CEP63: variants seen among roughly 807,000 people sequenced by gnomAD.
The protein encoded by CEP63 is centrosomal protein 63.
CEP63 carries 84 observed loss-of-function variants against 89.1 expected under a neutral mutation model. That is an observed-to-expected ratio of 0.94 (90% CI 0.79 to 1.13). CEP63 has a LOEUF of 1.13. Among genes scored for constraint, CEP63 ranks in the 50% most tolerant of loss-of-function variants. CEP63 has a pLI of 0.00. For missense variants in CEP63, 838 were observed against 813.3 expected (o/e 1.03, Z -0.37); for synonymous variants, 267 against 272.5 (o/e 0.98, Z 0.20).
the CEP63 span, chr3:134,604,432 G>A: frequency 1.6e-4 from 257 of 1,613,476 alleles, 3 homozygotes; most frequent in South Asian, 1.2e-3. Context: ...CATGAACAGC[G>A]TCGGGGCGCA....
the CEP63 span, chr3:134,608,721 T>C: frequency 2.5e-6 from 4 of 1,614,060 alleles, no homozygotes; most frequent in South Asian, 1.1e-5. Flanking sequence ...TTGTGATACA[T>C]GTTGTTCTCA....
the CEP63 span, chr3:134,604,036 C>T: frequency 8.7e-5 from 140 of 1,613,866 alleles, no homozygotes; most frequent in African/African-American, 1.5e-3. Context: ...GAAGATGTAG[C>T]GCCGCTGTGT....
In CEP63 at chr3:134,542,509, G is replaced by A. The variant is rs1577227700; in HGVS notation, c.556-3077G>A. On this transcript the variant is annotated intron_variant, in intron 6 of 14. Transcript: ENST00000675561. ...TGTGGCCTGCACTGGCGCATTTGGA[G>A]TTGACAGTGATGGGGAGCTTGGTAA... 4.6e-5 allele frequency among the ~76,000 whole-genome samples: 7 copies of A among 152,306 alleles called. No individual in the cohort carries two copies. In the South Asian group the frequency reaches 1.4e-3, roughly 32 times the overall value.
chr3:134,638,603 C>G, the CEP63 span, among the ~76,000 whole-genome samples: 1 of 152,236 alleles, frequency 6.6e-6, no homozygotes, highest in African/African-American at 2.4e-5. Flanking sequence ...ATCTTGAGAA[C>G]GGGCTCCCTG....
chr3:134,700,285 C>G, the CEP63 span, among the ~76,000 whole-genome samples: 2 of 152,246 alleles, frequency 1.3e-5, no homozygotes, highest in Non-Finnish European at 2.9e-5. Context: ...CGCTCAACAG[C>G]TCTCCCCTGA....
rs770541026 is a variant in CEP63 at position 134,547,371 on chromosome 3, CT to C, written c.967del (p.Ser323LeufsTer7). The C allele has an allele frequency of 1.8e-5, 29 of 1,613,682 alleles. No homozygotes were observed. The South Asian group carries it at 2.6e-4, about 15-fold the overall frequency. On this transcript the variant is annotated frameshift_variant, in exon 9 of 15. Transcript: ENST00000675561. LOFTEE classifies it high-confidence loss of function. ...EESLAEKKYT[S>X]QGQGDLDSVL... is the part of the protein sequence containing the mutation. ...AATCTCTGGCAGAAAAGAAGTACACCTCTCAAGGGCAGGGGGACTTAGACAG... is the reference window on the plus strand; with the variant it reads ...AATCTCTGGCAGAAAAGAAGTACACCCTCAAGGGCAGGGGGACTTAGACAG...
chr3:134,627,895 G>A, the CEP63 span: 2 of 1,173,544 alleles, frequency 1.7e-6, no homozygotes, highest in Non-Finnish European at 2.5e-6. Context: ...TCACCTTCTG[G>A]TGGTCCTTGC....
the CEP63 span, among the ~76,000 whole-genome samples, chr3:134,716,595 A>G: frequency 6.6e-6 from 1 of 152,092 alleles, no homozygotes; most frequent in Admixed American, 6.5e-5. Context: ...GAGCATGAAT[A>G]TGTAGACCTG....
intron 2 of CEP63, among the ~76,000 whole-genome samples, chr3:134,503,705 A>G (rs1559883369): frequency 6.6e-6 from 1 of 152,116 alleles, no homozygotes; most frequent in South Asian, 2.1e-4. Flanking sequence ...ATGTATGTAT[A>G]TTTACAGCTG....
At chr3:134,717,177 C>T in the CEP63 span, among the ~76,000 whole-genome samples, 1 of 152,184 alleles carries the variant, frequency 6.6e-6, no homozygotes, top group African/African-American at 2.4e-5. Flanking sequence ...GATTCGAACA[C>T]GTGAACAATG....
the CEP63 span, among the ~76,000 whole-genome samples, chr3:134,709,429 G>A: frequency 7.1e-6 from 1 of 141,292 alleles, no homozygotes; most frequent in Non-Finnish European, 1.5e-5. Context: ...TATATGATCA[G>A]TCATAGGACA....
At chr3:134,535,892 T>C (rs1950678936) in intron 5 of CEP63, 1 of 152,160 alleles carries the variant, frequency 6.6e-6, no homozygotes, top group South Asian at 2.1e-4. Context: ...TCCAGCAGCT[T>C]CTCTTAAAAA....
At chr3:134,588,071 T>C (rs9856693), downstream of CEP63, among the ~76,000 whole-genome samples, 97,933 of 151,928 alleles carry the variant, frequency 0.64, 32,131 homozygotes, top group East Asian at 0.81. Context: ...ATGTGGGCGA[T>C]CATTTGAGGC....
At chr3:134,501,533 A>G (rs1339333148) in intron 2 of CEP63, among the ~76,000 whole-genome samples, 1 of 151,338 alleles carries the variant, frequency 6.6e-6, no homozygotes, top group Non-Finnish European at 1.5e-5. Flanking sequence ...TTCTTTTTGT[A>G]GAGGTTTTTC....
the CEP63 span, among the ~76,000 whole-genome samples, chr3:134,605,672 C>T: frequency 6.6e-6 from 1 of 152,074 alleles, no homozygotes; most frequent in African/African-American, 2.4e-5. Flanking sequence ...CACACATCCC[C>T]CCACTGCCTC....
At chr3:134,722,576 C>T in the CEP63 span, among the ~76,000 whole-genome samples, 1 of 151,652 alleles carries the variant, frequency 6.6e-6, no homozygotes, top group African/African-American at 2.4e-5. Context: ...TTTTTATTTG[C>T]TTTATTCTGC....
chr3:134,596,096 C>T, the CEP63 span, among the ~76,000 whole-genome samples: 1 of 152,066 alleles, frequency 6.6e-6, no homozygotes, highest in African/African-American at 2.4e-5. Context: ...AGCAGGTGCC[C>T]TCAGCTAAAT....
At chr3:134,620,930 A>G in the CEP63 span, 2 of 874,110 alleles carry the variant, frequency 2.3e-6, no homozygotes, top group Non-Finnish European at 3.8e-6. Flanking sequence ...TCTTGCACCT[A>G]CAGCCAGTGC....
At chr3:134,711,030 C>T in the CEP63 span, among the ~76,000 whole-genome samples, 4 of 152,164 alleles carry the variant, frequency 2.6e-5, no homozygotes, top group African/African-American at 7.2e-5. Flanking sequence ...TATCCATTGA[C>T]TTTTATTTCA....
Sources: gnomAD v4.1 joint callset for allele counts (sites outside exome capture counted in the v4.1 genomes callset) on GRCh38, gnomAD v4.1.1 for gene constraint, MANE v1.5 for transcripts, NCBI Gene and HGNC (gene_info 2026-07-23, HGNC 2026-07-21) for gene names.